The following TM4SF18 variants were observed in gnomAD, a reference collection of about 807,000 sequenced individuals.
TM4SF18 encodes transmembrane 4 L six family member 18.
A neutral mutation model predicts 23.8 loss-of-function variants in TM4SF18; 22 were observed. The ratio of observed to expected loss-of-function variants is 0.92; its 90% CI spans 0.66 to 1.32. TM4SF18 has a LOEUF of 1.32. Among genes scored for constraint, TM4SF18 ranks in the 40% most tolerant of loss-of-function variants. TM4SF18 has a pLI of 0.00. For missense variants in TM4SF18, 255 were observed against 240.3 expected (o/e 1.06, Z -0.41); for synonymous variants, 87 against 87.9 (o/e 0.99, Z 0.06).
At chr3:149,328,288 G>A (rs765212239) in intron 3 of TM4SF18, among the ~76,000 whole-genome samples, 1 of 152,066 alleles carries the variant, frequency 6.6e-6, no homozygotes, top group African/African-American at 2.4e-5. Context: ...ATGTGTCCTC[G>A]CATGGTGCAA....
chr3:149,329,042 C>T (rs1050208064), intron 3 of TM4SF18, among the ~76,000 whole-genome samples: 1 of 151,922 alleles, frequency 6.6e-6, no homozygotes, highest in Non-Finnish European at 1.5e-5. Flanking sequence ...TAGAAATTCT[C>T]TGAGTATCAT....
rs1271135391 is a variant in TM4SF18, at chr3:149,321,166, GT to G, written c.*311del. The G allele has an allele frequency of 4.5e-6, 1 of 220,974 alleles. No individual in the cohort carries two copies. The highest frequency in any genetic ancestry group is 8.9e-6 in the Non-Finnish European group (1 of 112,276). The allele number at this position is 220,974 out of a possible 1,614,324, so 13.7% of individuals were successfully genotyped here. On this transcript the variant is annotated 3_prime_UTR_variant, in exon 6 of 6. Transcript: ENST00000296059. Reference sequence around the variant, plus strand: ...CCAATTTTCCAGAATATTAAATAATGTTGCAATATACATATTTGCATAAAGG... The same window carrying G: ...CCAATTTTCCAGAATATTAAATAATGTGCAATATACATATTTGCATAAAGG...
At chr3:149,329,906 A>G (rs1731052762) in intron 3 of TM4SF18, 1 of 152,912 alleles carries the variant, frequency 6.5e-6, no homozygotes, top group African/African-American at 2.4e-5. Context: ...TCAAAGGTTA[A>G]TCTTTGGGGG....
chr3:149,333,468 T>TTA, intron 1 of TM4SF18, 45 bp downstream of exon 1: 7 of 416,510 alleles, frequency 1.7e-5, no homozygotes, highest in Non-Finnish European at 2.4e-5. Flanking sequence ...GACCTTTTTT[T>TTA]TCTCTCTCTC....
chr3:149,327,546 T>TG (rs1368222446), intron 3 of TM4SF18, among the ~76,000 whole-genome samples: 3 of 151,886 alleles, frequency 2.0e-5, no homozygotes, highest in Non-Finnish European at 4.4e-5. Context: ...TTATTTGGTT[T>TG]GGGGGAAAAA....
rs1730822397 is a variant in TM4SF18, at chr3:149,322,236, T to C, written c.591+20A>G. 6.3e-7 allele frequency: 1 copy of C among 1,597,374 alleles called. No individual in the cohort carries two copies. Among genetic ancestry groups the C allele is most frequent in the African/African-American group, 1.3e-5 (1 of 74,382 alleles). On this transcript the variant is annotated intron_variant, in intron 5 of 5. Transcript: ENST00000296059. Reference sequence around the variant, plus strand: ...GGGGGAAATATGGATGAGCTACAGGTGCCCATGAGAATCTGTTACCTGGAA... The same window carrying C: ...GGGGGAAATATGGATGAGCTACAGGCGCCCATGAGAATCTGTTACCTGGAA...
In TM4SF18 at chr3:149,320,736, T is replaced by A. The variant is rs1051908261; in HGVS notation, c.*742A>T. On this transcript the variant is annotated 3_prime_UTR_variant, in exon 6 of 6. Coordinates refer to ENST00000296059, the MANE Select transcript of TM4SF18 (RefSeq NM_138786.4). ...CTTAAAGTTTGGAAAAATAAAAAAA[T>A]TTTAATAGTGAAAATATGAGTTTAG... 6.6e-6 allele frequency: 1 copy of A among 152,132 alleles called. No homozygotes were observed. The highest frequency in any genetic ancestry group is 1.5e-5 in the Non-Finnish European group (1 of 68,030). The allele number at this position is 152,132 out of a possible 1,614,324, so 9.4% of individuals were successfully genotyped here.
At chr3:149,321,559 C>A in intron 5 of TM4SF18, 67 bp from the exon 6 acceptor site, 1 of 1,050,170 alleles carries the variant, frequency 9.5e-7, no homozygotes. Context: ...AATCCGTAAT[C>A]CAGATAGCAA....
At chr3:149,326,956 T>A (rs1576832718) in intron 3 of TM4SF18, among the ~76,000 whole-genome samples, 1 of 152,174 alleles carries the variant, frequency 6.6e-6, no homozygotes, top group African/African-American at 2.4e-5. Flanking sequence ...GTTGTTGTTT[T>A]GTTGTTGTTT....
In TM4SF18 at chr3:149,321,350, A is replaced by C. The variant is rs1192900652; in HGVS notation, c.*128T>G. The C allele has an allele frequency of 1.4e-6, 1 of 692,028 alleles. No homozygotes were observed. The highest frequency in any genetic ancestry group is 2.3e-6 in the Non-Finnish European group (1 of 432,632). The allele number at this position is 692,028 out of a possible 1,614,324, so 42.9% of individuals were successfully genotyped here. On this transcript the variant is annotated 3_prime_UTR_variant, in exon 6 of 6. Coordinates refer to ENST00000296059, the MANE Select transcript of TM4SF18 (RefSeq NM_138786.4). ...ACTTGCATGTGCAGTGAGGACTGCA[A>C]ATTTTTTACAAATAAACACCAAATG...
rs1382382522 is a variant in TM4SF18 at position 149,321,236 on chromosome 3, A to T, written c.*242T>A. 2.7e-6 allele frequency: 1 copy of T among 364,814 alleles called. No individual in the cohort carries two copies. The highest frequency in any genetic ancestry group is 4.1e-5 in the East Asian group (1 of 24,316). 22.6% of individuals were successfully genotyped at this position (364,814 alleles called of 1,614,324 possible). On this transcript the variant is annotated 3_prime_UTR_variant, in exon 6 of 6. Transcript: ENST00000296059. ...TTACTTCCCTAGTACAGATTCTTGG[A>T]AATGGATTTGTTTGATCAAAGGGCA...
chr3:149,327,392 A>G (rs1305082129), intron 3 of TM4SF18, among the ~76,000 whole-genome samples: 1 of 152,110 alleles, frequency 6.6e-6, no homozygotes, highest in Non-Finnish European at 1.5e-5. Flanking sequence ...CAGCTTGGAG[A>G]CAGATGCAAG....
At position 149,321,567 on chromosome 3, in the gene TM4SF18, CAACTTA is replaced by C; in HGVS notation, c.592-81_592-76del. 5 of 944,058 alleles carry C rather than the reference CAACTTA, an allele frequency of 5.3e-6. No individual in the cohort carries two copies. The South Asian group carries it at 6.9e-5, about 13-fold the overall frequency. 58.5% of individuals were successfully genotyped at this position (944,058 alleles called of 1,614,324 possible). On this transcript the variant is annotated intron_variant, in intron 5 of 5. Transcript: ENST00000296059. ...GATTAGTAATCCGTAATCCAGATAG[CAACTTA>C]AACTTATATTTCATATTCAAAATAT...
In TM4SF18 at chr3:149,326,183, C is replaced by T. The variant is rs138753065; in HGVS notation, c.268-1161G>A. ...CAATAAAGGTTTATGTACAAGACTACATCTCTTTAGTTTCCTTTAATTTAC... is the reference window on the plus strand; with the variant it reads ...CAATAAAGGTTTATGTACAAGACTATATCTCTTTAGTTTCCTTTAATTTAC... On this transcript the variant is annotated intron_variant, in intron 3 of 5. Coordinates refer to ENST00000296059, the MANE Select transcript of TM4SF18 (RefSeq NM_138786.4). Among the ~76,000 whole-genome samples, 380 of 152,240 alleles carry T rather than the reference C, an allele frequency of 2.5e-3. 2 individuals are homozygous for T. The highest frequency in any genetic ancestry group is 8.3e-3 in the African/African-American group (346 of 41,560).
intron 5 of TM4SF18, 82 bp downstream of exon 5, chr3:149,322,172 TAG>T (rs1206538120): frequency 8.3e-7 from 1 of 1,201,590 alleles, no homozygotes; most frequent in East Asian, 2.4e-5. Context: ...GATGGAATTC[TAG>T]AGTCTTTTCA....
In TM4SF18 at chr3:149,321,508, A is replaced by G. The variant is rs759189129; in HGVS notation, c.592-16T>C. 2.9e-5 allele frequency: 45 copies of G among 1,566,720 alleles called. No homozygotes were observed. The highest frequency in any genetic ancestry group is 3.9e-5 in the Non-Finnish European group (45 of 1,149,544). ...TGATTCCAGGCTATAGGAAAAAAGG[A>G]AAAACAAAGTGATTAAAGTTATAAA... On this transcript the variant is annotated splice_polypyrimidine_tract_variant and intron_variant, in intron 5 of 5. Coordinates refer to ENST00000296059, the MANE Select transcript of TM4SF18 (RefSeq NM_138786.4).
chr3:149,321,608 G>A, intron 5 of TM4SF18, 116 bp from the exon 6 acceptor site: 1 of 610,570 alleles, frequency 1.6e-6, no homozygotes, highest in Admixed American at 3.3e-5. Context: ...TGATAGAACA[G>A]AAAAAACATC....
chr3:149,328,596 T>C (rs1484622633), intron 3 of TM4SF18, among the ~76,000 whole-genome samples: 1 of 152,218 alleles, frequency 6.6e-6, no homozygotes, highest in African/African-American at 2.4e-5. Context: ...TATTTTACAA[T>C]TGAAAAGTTT....
chr3:149,328,290 A>T (rs1181106532), intron 3 of TM4SF18, among the ~76,000 whole-genome samples: 1 of 152,188 alleles, frequency 6.6e-6, no homozygotes, highest in Non-Finnish European at 1.5e-5. Flanking sequence ...GTGTCCTCGC[A>T]TGGTGCAAGG....
Sources: allele counts gnomAD v4.1 joint callset (sites outside exome capture counted in the v4.1 genomes callset), GRCh38; gene constraint gnomAD v4.1.1; transcripts MANE v1.5; gene names NCBI Gene and HGNC (gene_info 2026-07-23, HGNC 2026-07-21).